The following FAM13C variants were observed in gnomAD, a reference collection of about 807,000 sequenced individuals.
The protein encoded by FAM13C is protein FAM13C.
A neutral mutation model predicts 73.2 loss-of-function variants in FAM13C; 37 were observed. The observed-to-expected ratio is 0.51, with a 90% confidence interval of 0.39 to 0.67. The LOEUF (loss-of-function observed/expected upper bound fraction) is 0.67. Ranked by LOEUF, FAM13C falls within the 30% of genes least tolerant of loss-of-function variation. FAM13C has a pLI of 0.00. For synonymous variants in FAM13C, 246 were observed against 260.9 expected (o/e 0.94, Z 0.55); for missense variants, 589 against 715.6 (o/e 0.82, Z 2.02).
At chr10:59,322,477 T>C (rs1328849761) in intron 4 of FAM13C, among the ~76,000 whole-genome samples, 1 of 152,190 alleles carries the variant, frequency 6.6e-6, no homozygotes, top group South Asian at 2.1e-4. Context: ...TTTAGGATCC[T>C]ATGAAGGTTT....
intron 6 of FAM13C, among the ~76,000 whole-genome samples, chr10:59,274,458 TGAG>T (rs1385767140): frequency 6.6e-6 from 1 of 152,108 alleles, no homozygotes; most frequent in East Asian, 1.9e-4. Context: ...GGAGACTGAC[TGAG>T]CAGTGAGGAG....
intron 3 of FAM13C, among the ~76,000 whole-genome samples, chr10:59,330,942 T>G (rs1193871281): frequency 6.6e-6 from 1 of 152,198 alleles, no homozygotes; most frequent in Non-Finnish European, 1.5e-5. Flanking sequence ...TCACAGCTAA[T>G]GAGATGTCCT....
chr10:59,263,765 C>T, intron 9 of FAM13C: 1 of 322,284 alleles, frequency 3.1e-6, no homozygotes, highest in South Asian at 3.3e-5. Context: ...ATTTCTCAGG[C>T]CTCTTCTGTT....
chr10:59,276,453 G>A (rs7905293), intron 6 of FAM13C, among the ~76,000 whole-genome samples: 35,158 of 151,952 alleles, frequency 0.23, 5,474 homozygotes, highest in African/African-American at 0.44. Flanking sequence ...TCATATATAT[G>A]TTATAGCATG....
intron 3 of FAM13C, among the ~76,000 whole-genome samples, chr10:59,341,488 G>A (rs901098275): frequency 2.6e-5 from 4 of 152,150 alleles, no homozygotes. Flanking sequence ...GGGAGCTCAA[G>A]ACCAGCCTGA....
chr10:59,259,900 A>C (rs1470258372), intron 10 of FAM13C, among the ~76,000 whole-genome samples: 1 of 152,088 alleles, frequency 6.6e-6, no homozygotes. Flanking sequence ...TGGGATTTTC[A>C]GTGCTAAAAG....
chr10:59,270,738 A>G (rs1843635225), intron 6 of FAM13C, among the ~76,000 whole-genome samples: 1 of 152,240 alleles, frequency 6.6e-6, no homozygotes, highest in African/African-American at 2.4e-5. Context: ...ATATGTACAA[A>G]TAGATGCACT....
At position 59,264,286 on chromosome 10, in the gene FAM13C, G is replaced by A; in HGVS notation, c.943-120C>T. On this transcript the variant is annotated intron_variant, in intron 8 of 13. Transcript: ENST00000618804. ...GATGAGCTACACAAAGATAGTTTAG[G>A]AATATATAAAGCTGGGAGAGAAATT... The A allele has an allele frequency of 4.4e-6, 3 of 675,232 alleles. No homozygotes were observed. In the South Asian group the frequency reaches 5.6e-5, roughly 13 times the overall value. The allele number at this position is 675,232 out of a possible 1,614,324, so 41.8% of individuals were successfully genotyped here. A position where few individuals can be genotyped will look rare whatever the true frequency, so the allele number is the denominator to read the frequency against.
intron 4 of FAM13C, among the ~76,000 whole-genome samples, chr10:59,314,284 A>G (rs542693092): frequency 6.6e-6 from 1 of 152,316 alleles, no homozygotes; most frequent in East Asian, 1.9e-4. Flanking sequence ...AGCAACATTA[A>G]TCTTCCGAGC....
At position 59,319,126 on chromosome 10, in the gene FAM13C, A is replaced by T. The variant is rs375090474; in HGVS notation, c.443+4862T>A. 2.9e-3 allele frequency among the ~76,000 whole-genome samples: 427 copies of T among 145,594 alleles called. 2 individuals are homozygous for T. The highest frequency in any genetic ancestry group is 0.01 in the African/African-American group (405 of 39,298). Reference sequence around the variant, plus strand: ...ACACACACACACACACACATTGTCTATCTCAAAAACAAAAGATGAAAGGAT... The same window carrying T: ...ACACACACACACACACACATTGTCTTTCTCAAAAACAAAAGATGAAAGGAT... On this transcript the variant is annotated intron_variant, in intron 4 of 13. Coordinates refer to ENST00000618804, the MANE Select transcript of FAM13C (RefSeq NM_198215.4).
chr10:59,316,866 G>A (rs1849590782), intron 4 of FAM13C, among the ~76,000 whole-genome samples: 1 of 151,902 alleles, frequency 6.6e-6, no homozygotes, highest in African/African-American at 2.4e-5. Context: ...TATTAAGCAG[G>A]ACAAACAAGT....
At chr10:59,312,243 A>G (rs1849016320) in intron 4 of FAM13C, among the ~76,000 whole-genome samples, 3 of 152,214 alleles carry the variant, frequency 2.0e-5, no homozygotes. Context: ...TTAAAGTATC[A>G]ATCAGGTTAG....
At chr10:59,277,235 T>C (rs1434005105) in intron 6 of FAM13C, among the ~76,000 whole-genome samples, 1 of 152,180 alleles carries the variant, frequency 6.6e-6, no homozygotes, top group East Asian at 1.9e-4. Flanking sequence ...TGATAGAATA[T>C]ACTGATATGA....
chr10:59,273,203 C>T (rs748144407), intron 6 of FAM13C, among the ~76,000 whole-genome samples: 7 of 152,148 alleles, frequency 4.6e-5, no homozygotes, highest in Non-Finnish European at 8.8e-5. Context: ...AAAACTAATA[C>T]ACATTAAAAC....
At chr10:59,344,710 C>CTAGTAAG (rs1854065612) in intron 3 of FAM13C, among the ~76,000 whole-genome samples, 1 of 152,292 alleles carries the variant, frequency 6.6e-6, no homozygotes, top group South Asian at 2.1e-4. Context: ...TGACACAGAG[C>CTAGTAAG]TAGTAAGTGA....
rs914203068 is a variant in FAM13C, at chr10:59,252,871, G to A, written c.1460C>T (p.Ala487Val). Reference protein sequence around the residue: ...TYSNETEPVRALLPDEKKEVK... With the variant: ...TYSNETEPVRVLLPDEKKEVK... ...TTCTTTCTTTTCATCTGGTAAAAGG[G>A]CCCTAACAGGCTCAGTCTCATTAGA... The change falls in exon 12 of 14, where the codon GCC (alanine) becomes GTC (valine). Residue 487 changes from alanine to valine, a missense_variant. Coordinates refer to ENST00000618804, the MANE Select transcript of FAM13C (RefSeq NM_198215.4). 1.1e-5 allele frequency: 17 copies of A among 1,614,006 alleles called. No homozygotes were observed. Among genetic ancestry groups the A allele is most frequent in the Non-Finnish European group, 1.4e-5 (17 of 1,180,012 alleles).
intron 8 of FAM13C, among the ~76,000 whole-genome samples, chr10:59,265,461 T>TG (rs1335672463): frequency 2.0e-5 from 3 of 151,998 alleles, no homozygotes; most frequent in Non-Finnish European, 4.4e-5. Context: ...TACTTTGGTT[T>TG]GGGTAGCAGT....
At chr10:59,254,742 A>G (rs1758023451) in intron 10 of FAM13C, among the ~76,000 whole-genome samples, 1 of 151,904 alleles carries the variant, frequency 6.6e-6, no homozygotes. Context: ...AGCTGGGACT[A>G]CAGGCACGCA....
rs1554811319 is a variant in FAM13C, at chr10:59,265,322, CGGGG to C, written c.943-1160_943-1157del. 1.7e-3 allele frequency among the ~76,000 whole-genome samples: 29 copies of C among 17,534 alleles called. 11 individuals are homozygous for C. The highest frequency in any genetic ancestry group is 2.8e-3 in the African/African-American group (7 of 2,472). 11.5% of individuals were successfully genotyped at this position (17,534 alleles called of 152,430 possible). On this transcript the variant is annotated intron_variant, in intron 8 of 13. Transcript: ENST00000618804. ...CAGAGGGATAGGGAAGGGGTTTTGG[CGGGG>C]GGGGGGGGGAATCCTGGTTTCAGGA...
Sources: allele counts gnomAD v4.1 joint callset (sites outside exome capture counted in the v4.1 genomes callset), GRCh38; gene constraint gnomAD v4.1.1; transcripts MANE v1.5; gene names NCBI Gene and HGNC (gene_info 2026-07-23, HGNC 2026-07-21).